The following SFMBT2 variants were observed in gnomAD, a reference collection of about 807,000 sequenced individuals.
SFMBT2 encodes scm-like with four MBT domains protein 2.
A neutral mutation model predicts 110.1 loss-of-function variants in SFMBT2; 38 were observed. That is an observed-to-expected ratio of 0.35 (90% CI 0.27 to 0.45). The LOEUF is 0.45. Among genes scored for constraint, SFMBT2 ranks in the 20% least tolerant of loss-of-function variants. The pLI, the probability that SFMBT2 is intolerant of heterozygous loss-of-function variation, is 1.00. For missense variants in SFMBT2, 1,011 were observed against 1,094.9 expected (o/e 0.92, Z 1.08); for synonymous variants, 425 against 425.4 (o/e 1.00, Z 0.01).
Position 7,367,820 on chromosome 10 carries a change from C to A in SFMBT2, c.265G>T (p.Asp89Tyr), listed in dbSNP as rs2132052216. The change falls in exon 4 of 21, where the codon GAC becomes TAC. Residue 89 changes from aspartate to tyrosine, a missense_variant. Asp to Tyr is a radical substitution (Grantham distance 160). Around this residue, in one of 2 missense-constraint regions of SFMBT2, gnomAD observed 979 missense variants for 1,016.1 expected, o/e 0.96. Transcript: ENST00000397167. This position sits in a 1 kb window ranked among gnomAD's most constrained non-coding sequence, Gnocchi z 6.2. Reference protein sequence around the residue: ...KLEVANKNNPDTYWVATIITT... With the variant: ...KLEVANKNNPYTYWVATIITT... ...ATGATCGTGGCCACCCAGTACGTGT[C>A]CGGGTTGTTCTTATTAGCCACTTCC... is the stretch of plus-strand genomic sequence containing the variant. 1 of 1,614,166 alleles carries A rather than the reference C, an allele frequency of 6.2e-7. No individual in the cohort carries two copies. The highest frequency in any genetic ancestry group is 1.1e-5 in the South Asian group (1 of 91,076).
chr10:7,397,132 T>A (rs1199946767), intron 1 of SFMBT2, among the ~76,000 whole-genome samples: 1 of 152,204 alleles, frequency 6.6e-6, no homozygotes, highest in Non-Finnish European at 1.5e-5. Flanking sequence ...AACTTTAAAC[T>A]GTGATAACAA....
At chr10:7,248,673 T>C (rs1352112840) in intron 7 of SFMBT2, 24 bp from the exon 8 acceptor site, 6 of 1,608,658 alleles carry the variant, frequency 3.7e-6, no homozygotes, top group South Asian at 3.3e-5. Flanking sequence ...GATGAAAATA[T>C]TGAAAGCCAC....
rs1487378511 is a variant in SFMBT2 at position 7,367,246 on chromosome 10, G to A, written c.436+403C>T. On this transcript the variant is annotated intron_variant, in intron 4 of 20. Coordinates refer to ENST00000397167, the MANE Select transcript of SFMBT2 (RefSeq NM_001387889.1). The surrounding 1 kb of genome is among the most constrained non-coding windows in gnomAD (Gnocchi z 6.2). ...TGCTAAAGCAGAAGAAAAGCAACAT[G>A]GCCAATCACCAAACACAAGACCTCA... Among the ~76,000 whole-genome samples, 6 of 151,666 alleles carry A rather than the reference G, an allele frequency of 4.0e-5. No individual in the cohort carries two copies. The highest frequency in any genetic ancestry group is 3.3e-4 in the Admixed American group (5 of 15,234).
chr10:7,287,433 G>C (rs2131849466), intron 4 of SFMBT2: 1 of 244,176 alleles, frequency 4.1e-6, no homozygotes, highest in Non-Finnish European at 6.6e-6. Flanking sequence ...TTCTACAAGT[G>C]CTTAGAACCC....
intron 4 of SFMBT2, among the ~76,000 whole-genome samples, chr10:7,364,757 C>T (rs1296037678): frequency 6.6e-6 from 1 of 152,192 alleles, no homozygotes; most frequent in Non-Finnish European, 1.5e-5. Flanking sequence ...CCTCTGTGTG[C>T]CCTTCTCTTG....
At position 7,163,872 on chromosome 10, in the gene SFMBT2, C is replaced by T. The variant is rs569709510; in HGVS notation, c.2583G>A (p.Pro861=). ...DGQALLLLTL[P]TVQECMELKL... ...TCAGCTCCATGCACTCCTGCACCGTCGGAAGGGTCAGAAGCAGGAGTGCTT... is the reference window on the plus strand; with the variant it reads ...TCAGCTCCATGCACTCCTGCACCGTTGGAAGGGTCAGAAGCAGGAGTGCTT... The change falls in exon 21 of 21, where the codon CCG becomes CCA. Residue 861 remains proline (P), a synonymous_variant. Coordinates refer to ENST00000397167, the MANE Select transcript of SFMBT2 (RefSeq NM_001387889.1). The surrounding 1 kb of genome is among the most constrained non-coding windows in gnomAD (Gnocchi z 4.8). 2.1e-5 allele frequency: 34 copies of T among 1,613,876 alleles called. No homozygotes were observed. The highest frequency in any genetic ancestry group is 8.0e-5 in the African/African-American group (6 of 74,892).
chr10:7,399,786 G>A (rs1846023938), intron 1 of SFMBT2, among the ~76,000 whole-genome samples: 1 of 152,198 alleles, frequency 6.6e-6, no homozygotes, highest in Non-Finnish European at 1.5e-5. Flanking sequence ...AGAAGGGACT[G>A]TTCTAGAAGC....
At chr10:7,214,031 G>A (rs537228052) in intron 11 of SFMBT2, among the ~76,000 whole-genome samples, 1 of 136,272 alleles carries the variant, frequency 7.3e-6, no homozygotes, top group Admixed American at 7.3e-5. Flanking sequence ...GCCACCCCAG[G>A]ACTGTGCAGA....
intron 20 of SFMBT2, among the ~76,000 whole-genome samples, chr10:7,164,725 G>A (rs1837648096): frequency 6.7e-6 from 1 of 149,482 alleles, no homozygotes; most frequent in Non-Finnish European, 1.5e-5. Flanking sequence ...GCCAACGACA[G>A]CACAGGTTTC....
chr10:7,407,483 C>T (rs1846251210), intron 1 of SFMBT2, among the ~76,000 whole-genome samples: 1 of 152,084 alleles, frequency 6.6e-6, no homozygotes, highest in Non-Finnish European at 1.5e-5. Flanking sequence ...GGCCTCGGAT[C>T]AGCCGCGGCT....
intron 16 of SFMBT2, among the ~76,000 whole-genome samples, chr10:7,179,088 T>C (rs2131549416): frequency 6.6e-6 from 1 of 152,268 alleles, no homozygotes; most frequent in African/African-American, 2.4e-5. Context: ...TTGTACTTTT[T>C]ATCTGCATAC....
At position 7,171,074 on chromosome 10, in the gene SFMBT2, G is replaced by A. The variant is rs1332011051; in HGVS notation, c.2416-18C>T. ...TTCGTGTCCTGCAGAGAAAGGGCAG[G>A]AGGAGCTCAGCTGCGGCACAGTCAG... On this transcript the variant is annotated intron_variant, in intron 19 of 20. Transcript: ENST00000397167. The surrounding 1 kb of genome is among the most constrained non-coding windows in gnomAD (Gnocchi z 4.9). 6.2e-7 allele frequency: 1 copy of A among 1,613,862 alleles called. No homozygotes were observed. Among genetic ancestry groups the A allele is most frequent in the East Asian group, 2.2e-5 (1 of 44,894 alleles).
At chr10:7,348,277 A>G (rs1418253814) in intron 4 of SFMBT2, 3 of 1,518,376 alleles carry the variant, frequency 2.0e-6, no homozygotes, top group Admixed American at 4.4e-5. Context: ...AAGTTTTGAG[A>G]CATCCTTTTC....
At chr10:7,205,508 T>C (rs943108798) in intron 12 of SFMBT2, 4 of 977,030 alleles carry the variant, frequency 4.1e-6, no homozygotes, top group Middle Eastern at 5.2e-4. Flanking sequence ...TAATATAGTA[T>C]CTAACATATT....
At chr10:7,333,961 A>C (rs1181176731) in intron 4 of SFMBT2, among the ~76,000 whole-genome samples, 1 of 152,164 alleles carries the variant, frequency 6.6e-6, no homozygotes, top group African/African-American at 2.4e-5. Context: ...CACACATCTA[A>C]AGCACTCTTC....
intron 1 of SFMBT2, among the ~76,000 whole-genome samples, chr10:7,409,804 A>T (rs1020771672): frequency 2.0e-5 from 3 of 149,918 alleles, no homozygotes; most frequent in Non-Finnish European, 1.5e-5. Flanking sequence ...AAGCCACCTT[A>T]GCCCGCCATA....
At chr10:7,321,777 T>C (rs1843198171) in intron 4 of SFMBT2, among the ~76,000 whole-genome samples, 2 of 152,230 alleles carry the variant, frequency 1.3e-5, no homozygotes, top group Middle Eastern at 3.2e-3. Context: ...GGTTTATTAC[T>C]CACCTGGGAT....
At chr10:7,256,423 A>C (rs1841009594) in intron 7 of SFMBT2, among the ~76,000 whole-genome samples, 1 of 152,272 alleles carries the variant, frequency 6.6e-6, no homozygotes. Context: ...AAAACCTCCA[A>C]GTTTTGCTGT....
chr10:7,368,464 G>A (rs2132053513), intron 3 of SFMBT2: 2 of 529,684 alleles, frequency 3.8e-6, no homozygotes, highest in Non-Finnish European at 4.8e-6. Context: ...TCCGCAAGTG[G>A]CCACTGCTGA....
Sources: allele counts gnomAD v4.1 joint callset (sites outside exome capture counted in the v4.1 genomes callset), GRCh38; gene constraint gnomAD v4.1.1; regional missense constraint gnomAD v4.1.1; non-coding constraint Gnocchi (gnomAD v3.1); transcripts MANE v1.5; gene names NCBI Gene and HGNC (gene_info 2026-07-23, HGNC 2026-07-21).